CSMD1: variants seen among roughly 807,000 people sequenced by gnomAD.
The protein encoded by CSMD1 is CUB and sushi domain-containing protein 1.
Under a neutral mutation model 417.5 loss-of-function variants are expected in CSMD1, and 213 were observed. The ratio of observed to expected loss-of-function variants is 0.51; its 90% CI spans 0.46 to 0.57. The LOEUF (loss-of-function observed/expected upper bound fraction) is 0.57, where lower values mean the gene tolerates loss of function less well. Among genes scored for constraint, CSMD1 ranks in the 20% least tolerant of loss-of-function variants. The probability of loss-of-function intolerance (pLI) is 0.00; values close to 1 mark genes in which losing one functional copy is unlikely to be tolerated. For missense variants in CSMD1, 6,923 were observed against 4,529.7 expected, an observed-to-expected ratio of 1.53 and a Z score of -15.17; for synonymous variants, 2,862 against 1,736.8, an observed-to-expected ratio of 1.65 and a Z score of -16.11.
intron 5 of CSMD1, among the ~76,000 whole-genome samples, chr8:3,760,810 A>C (rs1036833887): frequency 6.6e-6 from 1 of 152,198 alleles, no homozygotes; most frequent in Admixed American, 6.5e-5. Flanking sequence ...AACTATGATG[A>C]CTCAGAAGCC....
chr8:3,073,338 A>G (rs1472786125), intron 49 of CSMD1, among the ~76,000 whole-genome samples: 1 of 151,730 alleles, frequency 6.6e-6, no homozygotes, highest in Non-Finnish European at 1.5e-5. Context: ...GCAAAAAAAA[A>G]TTAGTGGAGA....
At chr8:3,662,428 C>G (rs1798466782) in intron 7 of CSMD1, among the ~76,000 whole-genome samples, 1 of 152,156 alleles carries the variant, frequency 6.6e-6, no homozygotes, top group Non-Finnish European at 1.5e-5. Flanking sequence ...TTTTCTTTAT[C>G]CAGTCTATTA....
chr8:4,072,857 G>C (rs1311501712), intron 3 of CSMD1, among the ~76,000 whole-genome samples: 2 of 152,098 alleles, frequency 1.3e-5, no homozygotes, highest in African/African-American at 4.8e-5. Flanking sequence ...CAATTTAGAA[G>C]CTTGAAAATA....
At chr8:4,773,950 C>CT (rs1445324842) in intron 1 of CSMD1, among the ~76,000 whole-genome samples, 2 of 152,226 alleles carry the variant, frequency 1.3e-5, no homozygotes, top group East Asian at 1.9e-4. Context: ...AATCTCAGCA[C>CT]TTTTTGAGGC....
chr8:3,662,815 A>G (rs555470526), intron 7 of CSMD1, among the ~76,000 whole-genome samples: 2 of 152,000 alleles, frequency 1.3e-5, no homozygotes, highest in East Asian at 3.9e-4. Flanking sequence ...AGGGAGGGGA[A>G]CATCACACAC....
At chr8:4,297,008 G>C (rs1020973699) in intron 3 of CSMD1, among the ~76,000 whole-genome samples, 1 of 152,104 alleles carries the variant, frequency 6.6e-6, no homozygotes, top group African/African-American at 2.4e-5. Flanking sequence ...GACAGGAATA[G>C]GAAGTGCTGG....
intron 1 of CSMD1, among the ~76,000 whole-genome samples, chr8:4,785,123 T>A (rs1387335189): frequency 1.3e-5 from 2 of 152,198 alleles, no homozygotes; most frequent in Admixed American, 6.5e-5. Context: ...TTCAGGAGAA[T>A]TTTTAAACCA....
chr8:3,469,959 AT>A (rs1160218895), intron 11 of CSMD1, among the ~76,000 whole-genome samples: 11 of 152,120 alleles, frequency 7.2e-5, no homozygotes, highest in Middle Eastern at 3.4e-3. Flanking sequence ...TTGAAGAGAG[AT>A]TTTTTTCTTT....
chr8:4,297,152 C>T (rs1218845961), intron 3 of CSMD1, among the ~76,000 whole-genome samples: 1 of 151,982 alleles, frequency 6.6e-6, no homozygotes, highest in Admixed American at 6.6e-5. Context: ...ATATAAAACA[C>T]ATAAAATAGT....
At chr8:4,314,462 T>G (rs1025896026) in intron 3 of CSMD1, among the ~76,000 whole-genome samples, 5 of 152,214 alleles carry the variant, frequency 3.3e-5, no homozygotes, top group African/African-American at 9.6e-5. Context: ...TAAGCCAATT[T>G]CAATTGCATC....
At chr8:4,754,363 C>T (rs1016274991) in intron 1 of CSMD1, among the ~76,000 whole-genome samples, 4 of 152,160 alleles carry the variant, frequency 2.6e-5, no homozygotes, top group African/African-American at 9.7e-5. Context: ...ACAGCGCTAT[C>T]CCACCCACAT....
Position 3,262,184 on chromosome 8 carries a change from A to AAAAATATATAC in CSMD1, c.4153+21959_4153+21960insGTATATATTTT, listed in dbSNP as rs1420684024. On this transcript the variant is annotated intron_variant, in intron 26 of 69. Coordinates refer to ENST00000635120, the MANE Select transcript of CSMD1 (RefSeq NM_033225.6). ...TTATTTCTAAAATTATGCTCATATG[A>AAAAATATATAC]ATATATATATATATATATATATATA... Among the ~76,000 whole-genome samples, 589 of 63,152 alleles carry AAAAATATATAC rather than the reference A, an allele frequency of 9.3e-3. 27 individuals are homozygous for AAAAATATATAC. The highest frequency in any genetic ancestry group is 0.039 in the African/African-American group (552 of 14,110). The allele number at this position is 63,152 out of a possible 152,430, so 41.4% of individuals were successfully genotyped here. A position where few individuals can be genotyped will look rare whatever the true frequency, so the allele number is the denominator to read the frequency against.
intron 3 of CSMD1, among the ~76,000 whole-genome samples, chr8:4,197,184 A>T (rs1164935893): frequency 6.6e-6 from 1 of 152,224 alleles, no homozygotes; most frequent in African/African-American, 2.4e-5. Context: ...AAATGTGTAT[A>T]AAAGTCCTAG....
intron 2 of CSMD1, among the ~76,000 whole-genome samples, chr8:4,496,027 T>G (rs1473157448): frequency 1.3e-5 from 2 of 152,190 alleles, no homozygotes; most frequent in Non-Finnish European, 2.9e-5. Flanking sequence ...AGATACTTAA[T>G]GTGGTCTTAA....
At chr8:3,496,294 C>G (rs1796361543) in intron 10 of CSMD1, among the ~76,000 whole-genome samples, 3 of 152,150 alleles carry the variant, frequency 2.0e-5, no homozygotes, top group Admixed American at 2.0e-4. Context: ...ATAACATTCC[C>G]TGTGTTGGCA....
At chr8:4,403,752 G>C (rs768241144) in intron 3 of CSMD1, among the ~76,000 whole-genome samples, 1 of 152,076 alleles carries the variant, frequency 6.6e-6, no homozygotes, top group Non-Finnish European at 1.5e-5. Flanking sequence ...CTTACTGCTA[G>C]CAACTCCACT....
rs554740786 is a variant in CSMD1 at position 2,966,802 on chromosome 8, G to T, written c.8924-56C>A. ...CAGTGAGTGACCCAGCATGAAAATG[G>T]CAAACACAAGAGACCAATGGGTATC... On this transcript the variant is annotated intron_variant, in intron 57 of 69. Transcript: ENST00000635120. The T allele has an allele frequency of 1.5e-4, 230 of 1,546,054 alleles. No individual in the cohort carries two copies. In the African/African-American group the frequency reaches 2.6e-3, roughly 18 times the overall value.
chr8:3,707,964 G>A (rs937651950), intron 7 of CSMD1, among the ~76,000 whole-genome samples: 16 of 152,284 alleles, frequency 1.1e-4, no homozygotes, highest in Non-Finnish European at 2.9e-5. Flanking sequence ...TTTCTCTTTG[G>A]AAGGACGTAG....
At chr8:3,618,837 G>T (rs1228835392) in intron 7 of CSMD1, among the ~76,000 whole-genome samples, 1 of 152,174 alleles carries the variant, frequency 6.6e-6, no homozygotes, top group African/African-American at 2.4e-5. Flanking sequence ...CAGTGCAGTT[G>T]AGAGGAAGCG....
Sources: gnomAD v4.1 joint callset for allele counts (sites outside exome capture counted in the v4.1 genomes callset) on GRCh38, gnomAD v4.1.1 for gene constraint, MANE v1.5 for transcripts, NCBI Gene and HGNC (gene_info 2026-07-23, HGNC 2026-07-21) for gene names.